The following RNF214 variants were observed in gnomAD, a reference collection of about 807,000 sequenced individuals.
RNF214 encodes ring finger protein 214.
In RNF214, 25 loss-of-function variants were observed where a neutral mutation model predicts 75.9. The observed-to-expected ratio is 0.33, with a 90% CI of 0.24 to 0.46. The LOEUF (loss-of-function observed/expected upper bound fraction) is 0.46, where lower values mean the gene tolerates loss of function less well. RNF214 is among the 20% of genes least tolerant of loss of function. The probability of loss-of-function intolerance (pLI) is 1.00; values close to 1 mark genes in which losing one functional copy is unlikely to be tolerated. For synonymous variants in RNF214, 314 were observed against 308.8 expected, an observed-to-expected ratio of 1.02 and a Z score of -0.18; for missense variants, 725 against 857.5, an observed-to-expected ratio of 0.85 and a Z score of 1.93.
chr11:117,244,790 C>G (rs952882406), intron 5 of RNF214, among the ~76,000 whole-genome samples: 2 of 151,864 alleles, frequency 1.3e-5, no homozygotes, highest in African/African-American at 4.8e-5. Context: ...CTCAGCCTCC[C>G]AAGTAGCTGG....
intron 4 of RNF214, among the ~76,000 whole-genome samples, chr11:117,244,222 C>A (rs1050229492): frequency 5.3e-5 from 8 of 152,142 alleles, no homozygotes; most frequent in African/African-American, 1.9e-4. Context: ...TGCAAGTGAT[C>A]CGCCCGCCTC....
chr11:117,242,786 G>A (rs568548895), intron 4 of RNF214, among the ~76,000 whole-genome samples: 2 of 152,264 alleles, frequency 1.3e-5, no homozygotes, highest in African/African-American at 2.4e-5. Context: ...CTCGGGAGGC[G>A]GAGGTTGCCG....
Position 117,266,859 on chromosome 11 carries a change from C to T in RNF214, c.960-13049C>T, listed in dbSNP as rs1467183226. On this transcript the variant is annotated intron_variant, in intron 6 of 14. Transcript: ENST00000300650. The stretch of plus-strand genomic sequence containing the variant: ...TTTATTTATTTTCTTTCTTCTTTTT[C>T]TTTTTTTTTTTTTGAGACAGAGTCT... Among the ~76,000 whole-genome samples, 15 of 128,834 alleles carry T rather than the reference C, an allele frequency of 1.2e-4. No homozygotes were observed. The South Asian group carries it at 1.4e-3, about 12-fold the overall frequency. 84.5% of individuals were successfully genotyped at this position (128,834 alleles called of 152,430 possible).
At chr11:117,274,880 G>A (rs2033984813) in intron 6 of RNF214, among the ~76,000 whole-genome samples, 1 of 151,334 alleles carries the variant, frequency 6.6e-6, no homozygotes, top group Admixed American at 6.6e-5. Flanking sequence ...GTTTTGCCAT[G>A]TTGGCCAGGC....
intron 6 of RNF214, among the ~76,000 whole-genome samples, chr11:117,272,751 G>T (rs1464273049): frequency 1.3e-5 from 2 of 152,036 alleles, no homozygotes; most frequent in Non-Finnish European, 2.9e-5. Flanking sequence ...AAAGGTTGTT[G>T]TAAAGGGTAG....
rs376006371 is a variant in RNF214 at position 117,246,830 on chromosome 11, G to C, written c.841G>C (p.Asp281His). 2.5e-6 allele frequency: 4 copies of C among 1,606,676 alleles called. No homozygotes were observed. Among genetic ancestry groups the C allele is most frequent in the Non-Finnish European group, 3.4e-6 (4 of 1,175,954 alleles). Residue 281 changes from aspartate to histidine, a missense_variant, in exon 6 of 15, where the codon GAT (aspartate) becomes CAT (histidine). Coordinates refer to ENST00000300650, the MANE Select transcript of RNF214 (RefSeq NM_207343.4). ...TCAGGAGATATTAAAGGCTATTCAG[G>C]ATGTGACAATAAAGCGGGAAGAAAC... The part of the protein sequence containing the change: ...NHQEILKAIQ[D>H]VTIKREETKK...
chr11:117,247,680 A>G (rs558989285), intron 6 of RNF214, among the ~76,000 whole-genome samples: 2 of 152,056 alleles, frequency 1.3e-5, no homozygotes, highest in South Asian at 4.2e-4. Flanking sequence ...GTGAAACCCC[A>G]TCTCTACTAA....
At chr11:117,245,318 CA>C (rs2033188292) in intron 5 of RNF214, among the ~76,000 whole-genome samples, 1 of 147,650 alleles carries the variant, frequency 6.8e-6, no homozygotes, top group Non-Finnish European at 1.5e-5. Flanking sequence ...TACCCTGTCT[CA>C]AAAAAAGTAT....
At chr11:117,240,819 A>T (rs1591818102) in intron 4 of RNF214, among the ~76,000 whole-genome samples, 2 of 152,080 alleles carry the variant, frequency 1.3e-5, no homozygotes, top group South Asian at 4.1e-4. Context: ...AGGCGGGTGG[A>T]TCACCTGAGG....
chr11:117,283,685 G>A (rs747312431), intron 14 of RNF214, among the ~76,000 whole-genome samples: 5 of 151,814 alleles, frequency 3.3e-5, no homozygotes, highest in African/African-American at 4.8e-5. Flanking sequence ...TTTTGAGATA[G>A]GGTTTCTTTC....
intron 2 of RNF214, among the ~76,000 whole-genome samples, chr11:117,235,992 G>C (rs913085730): frequency 1.3e-5 from 2 of 151,538 alleles, no homozygotes; most frequent in African/African-American, 2.4e-5. Context: ...AGAGACTCTT[G>C]CCCTGTCCCC....
Position 117,285,368 on chromosome 11 carries a change from T to G in RNF214, c.*217T>G. 5 of 395,558 alleles carry G rather than the reference T, an allele frequency of 1.3e-5. No homozygotes were observed. Among genetic ancestry groups the G allele is most frequent in the African/African-American group, 2.1e-5 (1 of 48,020 alleles). The allele number at this position is 395,558 out of a possible 1,614,324, so 24.5% of individuals were successfully genotyped here. On this transcript the variant is annotated 3_prime_UTR_variant, in exon 15 of 15. Transcript: ENST00000300650. ...CAGTCTGTTCCCCCTCATCTTGCAA[T>G]TCCTTTGGGGGATGCAGATTGTAGG...
intron 2 of RNF214, among the ~76,000 whole-genome samples, chr11:117,235,015 A>G (rs760773987): frequency 6.6e-6 from 1 of 152,246 alleles, no homozygotes; most frequent in African/African-American, 2.4e-5. Context: ...CATATAACCT[A>G]TGCATGTCCT....
At chr11:117,239,449 G>A (rs2033009288) in intron 3 of RNF214, 2 of 445,214 alleles carry the variant, frequency 4.5e-6, no homozygotes, top group African/African-American at 4.0e-5. Context: ...TTAATTCTCT[G>A]AGTCACATCT....
chr11:117,235,172 A>T (rs956474405), intron 2 of RNF214, among the ~76,000 whole-genome samples: 1 of 152,036 alleles, frequency 6.6e-6, no homozygotes, highest in Non-Finnish European at 1.5e-5. Flanking sequence ...TTTTCTGAAA[A>T]TTTTTTTAAT....
intron 14 of RNF214, 51 bp from the exon 15 acceptor site, chr11:117,285,035 T>A: frequency 7.4e-7 from 1 of 1,345,324 alleles, no homozygotes; most frequent in African/African-American, 1.4e-5. Context: ...CTCTCCTTCC[T>A]TCCCTTTGTT....
chr11:117,240,925 TCCTA>T (rs2033061931), intron 4 of RNF214, among the ~76,000 whole-genome samples: 1 of 152,048 alleles, frequency 6.6e-6, no homozygotes, highest in African/African-American at 2.4e-5. Context: ...ACGTCTGTAA[TCCTA>T]GCGCTTTGGG....
intron 6 of RNF214, among the ~76,000 whole-genome samples, chr11:117,271,092 T>C (rs1041602234): frequency 2.0e-5 from 3 of 150,650 alleles, no homozygotes; most frequent in African/African-American, 7.3e-5. Flanking sequence ...TAGAGACAGG[T>C]TTTTGCCATG....
intron 6 of RNF214, chr11:117,263,833 C>CT: frequency 2.8e-5 from 7 of 247,118 alleles, no homozygotes; most frequent in Admixed American, 1.5e-4. Flanking sequence ...CTCCCCTCTG[C>CT]TTTTTTGGTC....
Sources: gnomAD v4.1 joint callset for allele counts (sites outside exome capture counted in the v4.1 genomes callset) on GRCh38, gnomAD v4.1.1 for gene constraint, MANE v1.5 for transcripts, NCBI Gene and HGNC (gene_info 2026-07-23, HGNC 2026-07-21) for gene names.